PUDP: variants seen among roughly 807,000 people sequenced by gnomAD.
PUDP encodes pseudouridine-5'-phosphatase.
Under a neutral mutation model 9.4 loss-of-function variants are expected in PUDP, and 8 were observed. The observed-to-expected ratio is 0.85, with a 90% confidence interval of 0.50 to 1.53. The LOEUF is 1.53. PUDP is among the 40% of genes most tolerant of loss of function. The pLI is 0.00. For synonymous variants in PUDP, 99 were observed against 80.7 expected (o/e 1.23, Z -1.22); for missense variants, 188 against 189.7 (o/e 0.99, Z 0.05).
chrX:6,971,284 T>C (rs992841980), intron 3 of PUDP, among the ~76,000 whole-genome samples: 23 of 111,602 alleles, frequency 2.1e-4, no homozygotes, highest in Non-Finnish European at 3.6e-4. Flanking sequence ...TACTGTAGCC[T>C]TGTAGTATAG....
chrX:6,711,501 T>C (rs1457712871), intron 1 of PUDP, among the ~76,000 whole-genome samples: 1 of 110,691 alleles, frequency 9.0e-6, no homozygotes, highest in Non-Finnish European at 1.9e-5. Flanking sequence ...TAAGTTAGAG[T>C]CCTATTTTAG....
In PUDP at chrX:6,793,774, C is replaced by T. The variant is rs201288070; in HGVS notation, c.*248-87308G>A. On this transcript the variant is annotated intron_variant and NMD_transcript_variant, in intron 3 of 3. Transcript: ENST00000655425. ...AGGCAAGAAAAGACGGTAAAGATTG[C>T]TATGAGGAATAGAAAACAAGTTGAT... 5.0e-3 allele frequency among the ~76,000 whole-genome samples: 542 copies of T among 109,280 alleles called. 7 individuals carry two copies. Among genetic ancestry groups the T allele is most frequent in the Non-Finnish European group, 7.9e-3 (403 of 51,294 alleles). 94.9% of individuals were successfully genotyped at this position (109,280 alleles called of 115,157 possible).
At position 7,147,842 on chromosome X, in the gene PUDP, G is replaced by A. The variant is rs1434061046; in HGVS notation, c.61+211C>T. On this transcript the variant is annotated intron_variant, in intron 1 of 3. Coordinates refer to ENST00000381077, the MANE Select transcript of PUDP (RefSeq NM_012080.5). ...GGGGCCGCGTAGACGCCGCGGCCAC[G>A]CGCGCCCGCCAGCCCGGACATGGGC... 5.0e-4 allele frequency: 77 copies of A among 153,678 alleles called. 1 individual carries two copies. The highest frequency in any genetic ancestry group is 2.3e-3 in the African/African-American group (71 of 31,091). The allele number at this position is 153,678 out of a possible 1,213,427, so 12.7% of individuals were successfully genotyped here. A position where few individuals can be genotyped will look rare whatever the true frequency, so the allele number is the denominator to read the frequency against.
chrX:6,869,149 T>C (rs1927134817), intron 3 of PUDP, among the ~76,000 whole-genome samples: 1 of 111,657 alleles, frequency 9.0e-6, no homozygotes, highest in Non-Finnish European at 1.9e-5. Context: ...TTTACATTCC[T>C]CCCCAGAAGG....
intron 3 of PUDP, among the ~76,000 whole-genome samples, chrX:6,912,385 T>A (rs1047162633): frequency 1.8e-5 from 2 of 112,230 alleles, no homozygotes; most frequent in Non-Finnish European, 1.9e-5. Context: ...TGCTACCCAA[T>A]CTCTCTCAAT....
intron 1 of PUDP, among the ~76,000 whole-genome samples, chrX:7,030,500 C>A (rs759784024): frequency 9.0e-6 from 1 of 111,693 alleles, no homozygotes; most frequent in African/African-American, 3.2e-5. Context: ...TGGCATAGCA[C>A]CCCACATCCC....
chrX:6,787,235 A>G (rs1303811396), intron 3 of PUDP, among the ~76,000 whole-genome samples: 1 of 111,841 alleles, frequency 8.9e-6, no homozygotes, highest in African/African-American at 3.2e-5. Context: ...AAACCCCACA[A>G]TATCAATTAT....
rs760933200 is a variant in PUDP at position 6,790,092 on chromosome X, TGATA to T, written c.*248-83630_*248-83627del. Among the ~76,000 whole-genome samples, 170 of 110,967 alleles carry T rather than the reference TGATA, an allele frequency of 1.5e-3. 1 individual carries two copies. The highest frequency in any genetic ancestry group is 9.2e-3 in the South Asian group (24 of 2,599). ...TAGAGACAGAAGATATATAGACAGA[TGATA>T]GATAGATCATAGAGAAAGACGATAG... On this transcript the variant is annotated intron_variant and NMD_transcript_variant, in intron 3 of 3. Coordinates refer to the PUDP transcript ENST00000655425.
chrX:6,826,645 A>G (rs768825062), intron 3 of PUDP, among the ~76,000 whole-genome samples: 1 of 112,329 alleles, frequency 8.9e-6, no homozygotes, highest in Non-Finnish European at 1.9e-5. Context: ...GAAGAAGAAA[A>G]TGTCAAGAAC....
intron 3 of PUDP, among the ~76,000 whole-genome samples, chrX:7,050,998 C>G (rs1930085318): frequency 8.9e-6 from 1 of 111,789 alleles, no homozygotes; most frequent in African/African-American, 3.3e-5. Context: ...AGTGTGCGTG[C>G]ATGCTCTCTT....
At chrX:6,829,648 T>G (rs776807383) in intron 3 of PUDP, among the ~76,000 whole-genome samples, 1 of 112,096 alleles carries the variant, frequency 8.9e-6, no homozygotes, top group Non-Finnish European at 1.9e-5. Context: ...GAGTCTCTTT[T>G]CATAGGCTTA....
chrX:6,801,872 C>T (rs1469466250), intron 3 of PUDP, among the ~76,000 whole-genome samples: 2 of 111,697 alleles, frequency 1.8e-5, no homozygotes, highest in South Asian at 3.8e-4. Context: ...GAGCGATGAG[C>T]GAAGATGTGT....
At chrX:7,024,390 G>A (rs1476073244) in intron 1 of PUDP, among the ~76,000 whole-genome samples, 1 of 111,517 alleles carries the variant, frequency 9.0e-6, no homozygotes, top group Non-Finnish European at 1.9e-5. Flanking sequence ...GTTTTAATAA[G>A]GGCTGGAGTT....
intron 3 of PUDP, among the ~76,000 whole-genome samples, chrX:6,918,434 T>C (rs1927968340): frequency 9.2e-6 from 1 of 109,255 alleles, no homozygotes; most frequent in Non-Finnish European, 1.9e-5. Flanking sequence ...GAAAATCATC[T>C]ATCATGAGCT....
chrX:6,749,779 C>T (rs1397639544), intron 3 of PUDP, among the ~76,000 whole-genome samples: 1 of 111,889 alleles, frequency 8.9e-6, no homozygotes, highest in East Asian at 2.8e-4. Flanking sequence ...AGGAAATGAA[C>T]ACGTTGAGTC....
chrX:6,884,150 T>C (rs1927389829), intron 3 of PUDP, among the ~76,000 whole-genome samples: 1 of 112,404 alleles, frequency 8.9e-6, no homozygotes, highest in Non-Finnish European at 1.9e-5. Flanking sequence ...TTAATGTTCA[T>C]TCTTATTTCC....
rs11447707 is a variant in PUDP at position 6,878,369 on chromosome X, C to CTT, written c.*247+98762_*247+98763dup. 4.0e-3 allele frequency among the ~76,000 whole-genome samples: 394 copies of CTT among 99,087 alleles called. 3 individuals carry two copies. The highest frequency in any genetic ancestry group is 0.011 in the African/African-American group (311 of 27,414). The allele number at this position is 99,087 out of a possible 115,157, so 86.0% of individuals were successfully genotyped here. ...ATAAAACATTACTTAGTTTTCCTGG[C>CTT]TTTTTTTTTTTTTTAGAATAAAGGT... is the stretch of plus-strand genomic sequence containing the variant. On this transcript the variant is annotated intron_variant and NMD_transcript_variant, in intron 3 of 3. Transcript: ENST00000655425.
At chrX:7,004,370 C>T (rs1463180125) in intron 1 of PUDP, among the ~76,000 whole-genome samples, 1 of 111,204 alleles carries the variant, frequency 9.0e-6, no homozygotes, top group East Asian at 2.8e-4. Context: ...AGTAAGCCAA[C>T]TTTAAACCCT....
chrX:6,747,715 A>G (rs966644400), intron 3 of PUDP, among the ~76,000 whole-genome samples: 2 of 112,362 alleles, frequency 1.8e-5, no homozygotes, highest in African/African-American at 3.2e-5. Context: ...AAAGCACCAT[A>G]TACCAAGTGA....
Sources: allele counts gnomAD v4.1 joint callset (sites outside exome capture counted in the v4.1 genomes callset), GRCh38; gene constraint gnomAD v4.1.1; transcripts MANE v1.5; gene names NCBI Gene and HGNC (gene_info 2026-07-23, HGNC 2026-07-21).